ABI3BP: variants seen among roughly 807,000 people sequenced by gnomAD.
ABI3BP encodes the protein ABI family member 3 binding protein.
In ABI3BP, 216 loss-of-function variants were observed where a neutral mutation model predicts 268.6. That is an observed-to-expected ratio of 0.80 (90% CI 0.72 to 0.90). ABI3BP has a LOEUF of 0.90. Ranked by LOEUF, ABI3BP falls within the 40% of genes least tolerant of loss-of-function variation. The pLI is 0.00. For synonymous variants in ABI3BP, 730 were observed against 730.0 expected (o/e 1.00, Z 0.00); for missense variants, 2,090 against 2,182.4 (o/e 0.96, Z 0.84).
intron 2 of ABI3BP, among the ~76,000 whole-genome samples, chr3:100,910,081 A>G (rs929501963): frequency 2.0e-5 from 3 of 152,206 alleles, no homozygotes; most frequent in Admixed American, 2.0e-4. Flanking sequence ...ATGCAGCCAT[A>G]AAAAAGGATG....
At chr3:100,834,230 C>T (rs954788419) in intron 29 of ABI3BP, among the ~76,000 whole-genome samples, 11 of 152,130 alleles carry the variant, frequency 7.2e-5, no homozygotes, top group Admixed American at 3.3e-4. Flanking sequence ...TAAGAATTAA[C>T]GATGTGCCTA....
chr3:100,759,718 T>C (rs986145059), intron 63 of ABI3BP, among the ~76,000 whole-genome samples: 7 of 152,338 alleles, frequency 4.6e-5, no homozygotes, highest in East Asian at 1.9e-4. Context: ...AGTGGAGTTA[T>C]GTACTTTTAG....
intron 2 of ABI3BP, among the ~76,000 whole-genome samples, chr3:100,920,485 G>A (rs1005560983): frequency 2.0e-5 from 3 of 151,952 alleles, no homozygotes; most frequent in African/African-American, 4.8e-5. Flanking sequence ...GTGCATTGGC[G>A]TGATCTTGGC....
intron 31 of ABI3BP, among the ~76,000 whole-genome samples, chr3:100,831,358 G>A (rs1261331873): frequency 6.6e-6 from 1 of 152,096 alleles, no homozygotes; most frequent in South Asian, 2.1e-4. Context: ...TCACTGGGAG[G>A]TTGCCCTAGA....
At chr3:100,895,537 A>T (rs1424729467) in intron 4 of ABI3BP, among the ~76,000 whole-genome samples, 3 of 152,218 alleles carry the variant, frequency 2.0e-5, no homozygotes, top group Non-Finnish European at 1.5e-5. Context: ...ACACAAACCA[A>T]TGTAAATCAT....
At chr3:100,792,891 C>A in intron 54 of ABI3BP, 123 bp from the exon 55 acceptor site, 1 of 750,864 alleles carries the variant, frequency 1.3e-6, no homozygotes, top group South Asian at 1.7e-5. Flanking sequence ...TAGAAATACA[C>A]TCAGTAATCA....
rs529259315 is a variant in ABI3BP at position 100,843,519 on chromosome 3, ATGTGTGTGTG to A, written c.1724-1490_1724-1481del. Reference sequence around the variant, plus strand: ...GGAAAGAAAGAGAGGGAGGGAGAGGATGTGTGTGTGTGTGTGTGTGTGTGAGAGAGAGAGA... The same window carrying A: ...GGAAAGAAAGAGAGGGAGGGAGAGGATGTGTGTGTGTGTGAGAGAGAGAGA... On this transcript the variant is annotated intron_variant, in intron 20 of 67. Coordinates refer to ENST00000471714, the MANE Select transcript of ABI3BP (RefSeq NM_001375547.2). The A allele has an allele frequency of 1.3e-5, 11 of 854,496 alleles. No individual in the cohort carries two copies. In the African/African-American group the frequency reaches 2.2e-4, roughly 17 times the overall value. The allele number at this position is 854,496 out of a possible 1,614,324, so 52.9% of individuals were successfully genotyped here. A position where few individuals can be genotyped will look rare whatever the true frequency, so the allele number is the denominator to read the frequency against.
chr3:100,921,480 A>G (rs1050647917), intron 2 of ABI3BP, among the ~76,000 whole-genome samples: 5 of 152,162 alleles, frequency 3.3e-5, no homozygotes, highest in South Asian at 2.1e-4. Flanking sequence ...GAAACTTAAA[A>G]TGTTAACCAG....
intron 1 of ABI3BP, among the ~76,000 whole-genome samples, chr3:100,987,152 T>C (rs1240910426): frequency 2.0e-5 from 3 of 152,208 alleles, no homozygotes; most frequent in East Asian, 1.9e-4. Context: ...CTGTTATAAA[T>C]TGCAATCAGG....
intron 2 of ABI3BP, among the ~76,000 whole-genome samples, chr3:100,905,256 T>G (rs550878021): frequency 6.6e-5 from 10 of 152,094 alleles, no homozygotes; most frequent in Middle Eastern, 3.4e-3. Context: ...CACCGGGGCC[T>G]GTTGTTGGGG....
intron 20 of ABI3BP, chr3:100,843,832 A>G (rs1409122493): frequency 2.0e-6 from 2 of 985,290 alleles, no homozygotes; most frequent in Non-Finnish European, 2.4e-6. Context: ...TTTTGATTCT[A>G]CAAAGTTGCC....
At chr3:100,751,726 T>G in intron 66 of ABI3BP, 52 bp from the exon 67 acceptor site, 1 of 1,496,574 alleles carries the variant, frequency 6.7e-7, no homozygotes, top group South Asian at 1.3e-5. Context: ...CTTTGAAATG[T>G]GACAATTTTG....
intron 1 of ABI3BP, among the ~76,000 whole-genome samples, chr3:100,964,202 T>C (rs2080343024): frequency 1.3e-5 from 2 of 152,126 alleles, no homozygotes; most frequent in Non-Finnish European, 2.9e-5. Context: ...GGCGGCTCCA[T>C]CTTCCCTTTC....
At chr3:100,756,406 C>CA (rs2149372064) in intron 63 of ABI3BP, among the ~76,000 whole-genome samples, 1 of 152,250 alleles carries the variant, frequency 6.6e-6, no homozygotes, top group East Asian at 1.9e-4. Context: ...ATGCCTTTGT[C>CA]ATTGTCATTT....
intron 1 of ABI3BP, among the ~76,000 whole-genome samples, chr3:100,942,944 T>C (rs2070202147): frequency 6.6e-6 from 1 of 152,134 alleles, no homozygotes; most frequent in Non-Finnish European, 1.5e-5. Flanking sequence ...ACTTCACTGT[T>C]AAATTTCCTA....
intron 7 of ABI3BP, among the ~76,000 whole-genome samples, 181 bp from the exon 8 acceptor site, chr3:100,875,760 C>T (rs2099155801): frequency 6.6e-6 from 1 of 152,158 alleles, no homozygotes; most frequent in African/African-American, 2.4e-5. Context: ...TACCTTAACA[C>T]CTATGCCCTT....
At chr3:100,938,973 G>A (rs975494558) in intron 1 of ABI3BP, among the ~76,000 whole-genome samples, 3 of 152,130 alleles carry the variant, frequency 2.0e-5, no homozygotes, top group Non-Finnish European at 4.4e-5. Flanking sequence ...GCATGCATGT[G>A]TGTGTGCCAA....
intron 61 of ABI3BP, 95 bp downstream of exon 61, chr3:100,774,510 C>G (rs1577222244): frequency 1.1e-6 from 1 of 945,782 alleles, no homozygotes; most frequent in East Asian, 2.7e-5. Context: ...TAATAGGCTA[C>G]TAAGATTTGT....
intron 57 of ABI3BP, among the ~76,000 whole-genome samples, chr3:100,785,354 T>C (rs2097000173): frequency 6.6e-6 from 1 of 152,208 alleles, no homozygotes; most frequent in African/African-American, 2.4e-5. Context: ...GCTGCATTTC[T>C]ATAAAGAAGT....
Sources: allele counts gnomAD v4.1 joint callset (sites outside exome capture counted in the v4.1 genomes callset), GRCh38; gene constraint gnomAD v4.1.1; transcripts MANE v1.5; gene names NCBI Gene and HGNC (gene_info 2026-07-23, HGNC 2026-07-21).